The following LIPC variants were observed in gnomAD, a reference collection of about 807,000 sequenced individuals.
LIPC encodes the protein lipase C, hepatic type, also known as hepatic triacylglycerol lipase.
In LIPC, 44 loss-of-function variants were observed where a neutral mutation model predicts 50.7. The observed-to-expected ratio is 0.87, with a 90% CI of 0.68 to 1.11. The LOEUF (loss-of-function observed/expected upper bound fraction) is 1.11. Among genes scored for constraint, LIPC ranks in the 50% most tolerant of loss-of-function variants. LIPC has a pLI of 0.00. For synonymous variants in LIPC, 271 were observed against 256.4 expected (o/e 1.06, Z -0.54); for missense variants, 697 against 648.2 (o/e 1.08, Z -0.82).
At chr15:58,505,472 G>A (rs926485299) in intron 1 of LIPC, among the ~76,000 whole-genome samples, 1 of 152,224 alleles carries the variant, frequency 6.6e-6, no homozygotes, top group Non-Finnish European at 1.5e-5. Flanking sequence ...GCTGCTGTTG[G>A]TATTGGTGGT....
At chr15:58,547,133 G>T (rs1893558911) in intron 5 of LIPC, among the ~76,000 whole-genome samples, 1 of 152,178 alleles carries the variant, frequency 6.6e-6, no homozygotes, top group African/African-American at 2.4e-5. Context: ...AAACTTCAAA[G>T]TGACGGAACC....
At chr15:58,485,860 G>T (rs1324783715) in intron 1 of LIPC, among the ~76,000 whole-genome samples, 1 of 152,222 alleles carries the variant, frequency 6.6e-6, no homozygotes, top group African/African-American at 2.4e-5. Context: ...GTAGATTACG[G>T]TTGAGAACAA....
At chr15:58,472,357 A>T (rs1416833747) in intron 1 of LIPC, among the ~76,000 whole-genome samples, 2 of 151,356 alleles carry the variant, frequency 1.3e-5, no homozygotes, top group African/African-American at 4.9e-5. Context: ...GGTGAATCAC[A>T]TGAGGCCAGG....
At chr15:58,508,052 T>C (rs1263241231) in intron 1 of LIPC, among the ~76,000 whole-genome samples, 1 of 152,158 alleles carries the variant, frequency 6.6e-6, no homozygotes, top group Non-Finnish European at 1.5e-5. Flanking sequence ...ACTGTCCAGG[T>C]GTGTTGACAG....
At chr15:58,457,379 G>A (rs530790166) in intron 1 of LIPC, among the ~76,000 whole-genome samples, 1 of 152,280 alleles carries the variant, frequency 6.6e-6, no homozygotes, top group East Asian at 1.9e-4. Context: ...CAAAGTGCTG[G>A]GATTACAGGC....
chr15:58,560,833 T>A lies in LIPC; in HGVS notation c.1052-31T>A, dbSNP rs113220066. The A allele has an allele frequency of 1.7e-3, 1,429 of 864,200 alleles. 9 individuals are homozygous for A. Among genetic ancestry groups the A allele is most frequent in the African/African-American group, 0.017 (1,014 of 61,450 alleles). 53.5% of individuals were successfully genotyped at this position (864,200 alleles called of 1,614,324 possible). On this transcript the variant is annotated intron_variant, in intron 6 of 8. Transcript: ENST00000299022. ...ATTTAAAATCACTGCTTAAATTATC[T>A]CTCTCTTTCTCTCTCTGTCTCTCTC...
chr15:58,490,108 C>T (rs1188227238), intron 1 of LIPC, among the ~76,000 whole-genome samples: 3 of 152,164 alleles, frequency 2.0e-5, no homozygotes, highest in Non-Finnish European at 4.4e-5. Flanking sequence ...ATTTACTATT[C>T]AGCACATTTT....
intron 1 of LIPC, chr15:58,522,577 C>G (rs186757989): frequency 6.5e-6 from 1 of 153,316 alleles, no homozygotes; most frequent in Non-Finnish European, 1.5e-5. Context: ...TGAACAGGCC[C>G]GACTCCACAG....
intron 7 of LIPC, among the ~76,000 whole-genome samples, chr15:58,561,959 T>G (rs1445067092): frequency 6.6e-6 from 1 of 152,120 alleles, no homozygotes; most frequent in Non-Finnish European, 1.5e-5. Context: ...GGCTTAGAAT[T>G]TTATTTTTAG....
intron 1 of LIPC, among the ~76,000 whole-genome samples, chr15:58,455,919 A>T (rs781221003): frequency 1.3e-5 from 2 of 152,200 alleles, no homozygotes; most frequent in Non-Finnish European, 2.9e-5. Context: ...CTACATAAAA[A>T]GAGACCTAAC....
chr15:58,536,422 CAGG>C (rs1168850403), intron 1 of LIPC, among the ~76,000 whole-genome samples: 2 of 152,108 alleles, frequency 1.3e-5, no homozygotes, highest in Non-Finnish European at 2.9e-5. Flanking sequence ...CAGCTGTGTG[CAGG>C]AGGACAGAGA....
intron 1 of LIPC, among the ~76,000 whole-genome samples, chr15:58,473,125 A>G (rs1373768663): frequency 6.6e-6 from 1 of 152,116 alleles, no homozygotes; most frequent in Non-Finnish European, 1.5e-5. Flanking sequence ...GCCTCAACCA[A>G]GGATCAGCAC....
chr15:58,494,517 G>T (rs189563000), intron 1 of LIPC, among the ~76,000 whole-genome samples: 177 of 152,350 alleles, frequency 1.2e-3, no homozygotes, highest in African/African-American at 4.1e-3. Flanking sequence ...GCCTATGAAA[G>T]TGCATTGAAC....
intron 1 of LIPC, chr15:58,523,103 T>A (rs113279537): frequency 0.061 from 9,255 of 152,488 alleles, 514 homozygotes; most frequent in East Asian, 0.26. Flanking sequence ...CCTCTCGCTC[T>A]GGGCACCCCT....
At chr15:58,472,324 C>T (rs28713618) in intron 1 of LIPC, among the ~76,000 whole-genome samples, 16,923 of 150,514 alleles carry the variant, frequency 0.11, 1,161 homozygotes, top group Non-Finnish European at 0.16. Context: ...TCTGTAACCC[C>T]GGCACTTTGG....
intron 5 of LIPC, among the ~76,000 whole-genome samples, chr15:58,546,616 G>T (rs1595940481): frequency 1.3e-5 from 2 of 152,264 alleles, no homozygotes; most frequent in East Asian, 3.9e-4. Context: ...ATATGCACAG[G>T]ATTAAAGAAC....
At chr15:58,563,789 A>T in intron 8 of LIPC, 66 bp downstream of exon 8, 1 of 1,263,188 alleles carries the variant, frequency 7.9e-7, no homozygotes, top group Non-Finnish European at 1.1e-6. Flanking sequence ...CAGTCTCACA[A>T]TTTAATACTC....
At chr15:58,451,174 G>A (rs1422078841) in intron 1 of LIPC, among the ~76,000 whole-genome samples, 1 of 152,180 alleles carries the variant, frequency 6.6e-6, no homozygotes, top group Non-Finnish European at 1.5e-5. Context: ...GCACAGGATT[G>A]GGAGGCTGTT....
chr15:58,524,705 T>A (rs1892751289), intron 1 of LIPC, among the ~76,000 whole-genome samples: 1 of 152,218 alleles, frequency 6.6e-6, no homozygotes, highest in South Asian at 2.1e-4. Context: ...TCATATTCCT[T>A]TTTCTGTGAA....
Sources: allele counts gnomAD v4.1 joint callset (sites outside exome capture counted in the v4.1 genomes callset), GRCh38; gene constraint gnomAD v4.1.1; transcripts MANE v1.5; gene names NCBI Gene and HGNC (gene_info 2026-07-23, HGNC 2026-07-21).